Variants in DPP6 observed in about 807,000 individuals in gnomAD.
DPP6 encodes the protein A-type potassium channel modulatory protein DPP6.
In DPP6, 69 loss-of-function variants were observed where a neutral mutation model predicts 122.6. The ratio of observed to expected loss-of-function variants is 0.56; its 90% CI spans 0.46 to 0.69. The LOEUF is 0.69. Among genes scored for constraint, DPP6 ranks in the 30% least tolerant of loss-of-function variants. DPP6 has a pLI of 0.00. For synonymous variants in DPP6, 418 were observed against 433.1 expected, an observed-to-expected ratio of 0.97 and a Z score of 0.43; for missense variants, 928 against 1,116.9, an observed-to-expected ratio of 0.83 and a Z score of 2.41.
chr7:154,005,760 G>C (rs1325981664), intron 1 of DPP6, among the ~76,000 whole-genome samples: 1 of 151,004 alleles, frequency 6.6e-6, no homozygotes, highest in African/African-American at 2.5e-5. Context: ...CCAGGGAATA[G>C]GAGGAGAGAA....
chr7:154,352,839 A>T (rs1401563264), intron 1 of DPP6, among the ~76,000 whole-genome samples: 1 of 151,768 alleles, frequency 6.6e-6, no homozygotes, highest in African/African-American at 2.4e-5. Flanking sequence ...ACTTCAGTAA[A>T]TTTTTTTTTA....
At chr7:154,123,883 G>A (rs1324675490) in intron 1 of DPP6, among the ~76,000 whole-genome samples, 12 of 149,176 alleles carry the variant, frequency 8.0e-5, no homozygotes, top group Admixed American at 2.7e-4. Context: ...ACCTGGGACA[G>A]ATGTGCCACC....
At chr7:154,380,595 G>A (rs779341893) in intron 1 of DPP6, among the ~76,000 whole-genome samples, 2 of 152,228 alleles carry the variant, frequency 1.3e-5, no homozygotes, top group African/African-American at 4.8e-5. Flanking sequence ...GGGGACATAT[G>A]TGTCTCTGCT....
chr7:154,868,045 C>T lies in DPP6; in HGVS notation c.1765C>T (p.Arg589Ter), dbSNP rs770975896. 13 of 1,609,322 alleles carry T rather than the reference C, an allele frequency of 8.1e-6. No homozygotes were observed. Among genetic ancestry groups the T allele is most frequent in the South Asian group, 1.1e-5 (1 of 89,452 alleles). ...ACATGTCAAGAAGGCCATAAATGAC[C>T]GACAGATGCCTAAAGTGGAATACAG... Reference protein sequence around the residue: ...NEHVKKAINDRQMPKVEYRDI... With the variant: ...NEHVKKAIND Residue 589 changes from arginine to a stop codon, truncating the protein, a stop_gained, in exon 18 of 26, where the codon CGA becomes TGA. Transcript: ENST00000377770. LOFTEE classifies it high-confidence loss of function.
chr7:154,540,702 G>T, intron 4 of DPP6, 76 bp downstream of exon 4: 1 of 913,056 alleles, frequency 1.1e-6, no homozygotes, highest in Non-Finnish European at 1.6e-6. Flanking sequence ...AATGACTTTT[G>T]GTTTCAACTT....
the DPP6 span, among the ~76,000 whole-genome samples, chr7:153,860,515 G>A: frequency 6.6e-6 from 1 of 152,122 alleles, no homozygotes; most frequent in Non-Finnish European, 1.5e-5. Flanking sequence ...TTGCCGTTCG[G>A]CCACCCTTCC....
the DPP6 span, among the ~76,000 whole-genome samples, chr7:153,836,857 T>A: frequency 1.3e-5 from 2 of 152,184 alleles, no homozygotes; most frequent in African/African-American, 4.8e-5. Flanking sequence ...CACTCTGACT[T>A]CCAGTTAAAA....
chr7:154,025,227 G>C (rs1367753939), intron 1 of DPP6, among the ~76,000 whole-genome samples: 1 of 149,502 alleles, frequency 6.7e-6, no homozygotes, highest in Non-Finnish European at 1.5e-5. Flanking sequence ...GGTGGAGTCA[G>C]TTCAGCTCAG....
chr7:154,797,634 C>A (rs1373346461), intron 12 of DPP6, among the ~76,000 whole-genome samples: 1 of 151,944 alleles, frequency 6.6e-6, no homozygotes, highest in African/African-American at 2.4e-5. Context: ...TGTCCCAAGG[C>A]CGGGGGAGTA....
intron 1 of DPP6, among the ~76,000 whole-genome samples, chr7:154,356,373 A>G (rs1434977282): frequency 1.3e-5 from 2 of 152,190 alleles, no homozygotes; most frequent in Non-Finnish European, 2.9e-5. Context: ...TTAATGATTT[A>G]TTTAAATAAC....
At chr7:154,305,447 GCCGTCAGACCCCA>G in intron 1 of DPP6, 1 of 1,503,598 alleles carries the variant, frequency 6.7e-7, no homozygotes. Context: ...CTCCCAACTC[GCCGTCAGACCCCA>G]CCTGCCCCGG....
At chr7:154,323,052 A>G (rs141738752) in intron 1 of DPP6, among the ~76,000 whole-genome samples, 43 of 152,208 alleles carry the variant, frequency 2.8e-4, no homozygotes, top group African/African-American at 1.0e-3. Flanking sequence ...GAGTGAGCTC[A>G]TTAGCCCTGT....
the DPP6 span, among the ~76,000 whole-genome samples, chr7:153,834,358 C>A: frequency 6.6e-6 from 1 of 151,702 alleles, no homozygotes; most frequent in Non-Finnish European, 1.5e-5. Context: ...AAATTAATTT[C>A]TTTCTATGCT....
chr7:154,021,122 C>G (rs1798677514), intron 1 of DPP6, among the ~76,000 whole-genome samples: 2 of 152,112 alleles, frequency 1.3e-5, no homozygotes, highest in African/African-American at 4.8e-5. Flanking sequence ...AGACGAGGAC[C>G]CATCCCATCA....
chr7:153,973,114 C>T (rs10952455), intron 1 of DPP6, among the ~76,000 whole-genome samples: 122,599 of 148,770 alleles, frequency 0.82, 50,822 homozygotes, highest in Non-Finnish European at 0.9. Context: ...TAATACAAGT[C>T]GCAAAAATTT....
chr7:154,399,416 C>T (rs1389597113), intron 1 of DPP6, among the ~76,000 whole-genome samples: 2 of 152,132 alleles, frequency 1.3e-5, no homozygotes, highest in Non-Finnish European at 2.9e-5. Flanking sequence ...TTTTCAAAGA[C>T]TCCATTATTA....
intron 1 of DPP6, among the ~76,000 whole-genome samples, chr7:154,116,126 C>T (rs1412604168): frequency 3.3e-5 from 5 of 151,432 alleles, no homozygotes; most frequent in Non-Finnish European, 7.4e-5. Context: ...TTAGGTAAGA[C>T]ATACACACTT....
At chr7:154,313,685 G>GTGTGTGTGTGTGTGTATATATA in intron 1 of DPP6, among the ~76,000 whole-genome samples, 2 of 20,468 alleles carry the variant, frequency 9.8e-5, no homozygotes, top group African/African-American at 2.5e-4. Flanking sequence ...TTAAGATATG[G>GTGTGTGTGTGTGTGTATATATA]TATATATATA....
chr7:154,806,634 A>G (rs1003208863), intron 15 of DPP6, among the ~76,000 whole-genome samples: 22 of 152,210 alleles, frequency 1.4e-4, no homozygotes, highest in African/African-American at 5.3e-4. Flanking sequence ...ATCCACTCAG[A>G]GGGACAGGAC....
Sources: gnomAD v4.1 joint callset for allele counts (sites outside exome capture counted in the v4.1 genomes callset) on GRCh38, gnomAD v4.1.1 for gene constraint, MANE v1.5 for transcripts, NCBI Gene and HGNC (gene_info 2026-07-23, HGNC 2026-07-21) for gene names.